The following NFIB variants were observed in gnomAD, a reference collection of about 807,000 sequenced individuals.
NFIB encodes nuclear factor 1 B-type.
Under a neutral mutation model 61.5 loss-of-function variants are expected in NFIB, and 11 were observed. That is an observed-to-expected ratio of 0.18 (90% CI 0.11 to 0.30). The LOEUF (loss-of-function observed/expected upper bound fraction) is 0.30, where lower values mean the gene tolerates loss of function less well. Among genes scored for constraint, NFIB ranks in the 10% least tolerant of loss-of-function variants. NFIB has a pLI of 1.00. For synonymous variants in NFIB, 260 were observed against 216.5 expected (o/e 1.20, Z -1.76); for missense variants, 471 against 608.9 (o/e 0.77, Z 2.38).
intron 6 of NFIB, among the ~76,000 whole-genome samples, chr9:14,146,135 T>A (rs2042255653): frequency 6.6e-6 from 1 of 152,142 alleles, no homozygotes. Context: ...TAAAGTTATA[T>A]TTCTCCTCAA....
chr9:14,300,280 C>T (rs2132641772), intron 2 of NFIB: 2 of 398,358 alleles, frequency 5.0e-6, no homozygotes, highest in Non-Finnish European at 4.4e-6. Context: ...CTCAAGTTTC[C>T]GATCGCATAA....
chr9:14,267,548 C>T (rs1273360050), intron 2 of NFIB, among the ~76,000 whole-genome samples: 1 of 152,162 alleles, frequency 6.6e-6, no homozygotes. Context: ...TCCCAAAAGA[C>T]CTTAGCCAAC....
intron 1 of NFIB, among the ~76,000 whole-genome samples, chr9:14,382,041 A>G (rs1193282376): frequency 6.6e-6 from 1 of 152,182 alleles, no homozygotes; most frequent in Non-Finnish European, 1.5e-5. Context: ...GAGGGAAGTT[A>G]AAATAGGCCC....
chr9:14,303,190 A>C (rs1379886388), intron 2 of NFIB, among the ~76,000 whole-genome samples: 1 of 152,212 alleles, frequency 6.6e-6, no homozygotes, highest in Non-Finnish European at 1.5e-5. Flanking sequence ...CAAGAGTGGC[A>C]AGTGAGGGAA....
intron 3 of NFIB, among the ~76,000 whole-genome samples, chr9:14,160,603 AG>A (rs1248709366): frequency 6.6e-6 from 1 of 152,154 alleles, no homozygotes; most frequent in Non-Finnish European, 1.5e-5. Context: ...AGGCCTAAAA[AG>A]GCATGTGAAA....
intron 2 of NFIB, among the ~76,000 whole-genome samples, chr9:14,194,353 A>G (rs770569311): frequency 6.6e-6 from 1 of 152,218 alleles, no homozygotes; most frequent in African/African-American, 2.4e-5. Flanking sequence ...GACAGCAGAC[A>G]TATTGCACAG....
chr9:14,126,806 G>C (rs2039713257), intron 6 of NFIB, among the ~76,000 whole-genome samples: 1 of 152,162 alleles, frequency 6.6e-6, no homozygotes, highest in Admixed American at 6.5e-5. Flanking sequence ...CCAAAACAGA[G>C]ACAGAAATCA....
intron 2 of NFIB, among the ~76,000 whole-genome samples, chr9:14,223,730 C>G (rs948680050): frequency 1.3e-5 from 2 of 152,152 alleles, no homozygotes. Flanking sequence ...AATGCAAACG[C>G]AGAAAAATCT....
chr9:14,375,861 C>T (rs569807218), intron 1 of NFIB, among the ~76,000 whole-genome samples: 1 of 152,264 alleles, frequency 6.6e-6, no homozygotes, highest in African/African-American at 2.4e-5. Context: ...AAGTCCTTGT[C>T]ATACTCACAT....
At chr9:14,371,112 A>T (rs201069181) in intron 1 of NFIB, among the ~76,000 whole-genome samples, 1 of 143,086 alleles carries the variant, frequency 7.0e-6, no homozygotes, top group Non-Finnish European at 1.6e-5. Context: ...CCAAACCAAA[A>T]CAAAACAAAC....
chr9:14,486,198 G>A, the NFIB span, among the ~76,000 whole-genome samples: 1 of 152,184 alleles, frequency 6.6e-6, no homozygotes, highest in Non-Finnish European at 1.5e-5. Context: ...AATATTGAAA[G>A]AAGGCTTGGA....
At chr9:14,108,233 G>C (rs1563791801) in intron 10 of NFIB, among the ~76,000 whole-genome samples, 1 of 152,086 alleles carries the variant, frequency 6.6e-6, no homozygotes, top group Non-Finnish European at 1.5e-5. Context: ...AACAGCCCAA[G>C]TGTTGATAGC....
At chr9:14,152,027 G>A (rs1280020254) in intron 4 of NFIB, among the ~76,000 whole-genome samples, 1 of 152,150 alleles carries the variant, frequency 6.6e-6, no homozygotes, top group East Asian at 1.9e-4. Flanking sequence ...ATATTAGGCA[G>A]GCTAAGATTA....
chr9:14,398,464 C>T, intron 1 of NFIB: 1 of 1,241,322 alleles, frequency 8.1e-7, no homozygotes, highest in Middle Eastern at 1.9e-4. Flanking sequence ...GACACATTGT[C>T]TAAGAAGTTG....
At chr9:14,265,599 G>T (rs1276511942) in intron 2 of NFIB, among the ~76,000 whole-genome samples, 1 of 152,172 alleles carries the variant, frequency 6.6e-6, no homozygotes, top group African/African-American at 2.4e-5. Context: ...AAGCAACACA[G>T]TCTATAGTAT....
intron 3 of NFIB, among the ~76,000 whole-genome samples, chr9:14,168,511 G>C (rs1215726333): frequency 1.3e-5 from 2 of 152,208 alleles, no homozygotes; most frequent in Non-Finnish European, 2.9e-5. Flanking sequence ...TAAAGGCATA[G>C]TCCATGTGTG....
intron 9 of NFIB, among the ~76,000 whole-genome samples, chr9:14,113,810 G>A (rs1252144850): frequency 6.6e-6 from 1 of 152,106 alleles, no homozygotes; most frequent in Non-Finnish European, 1.5e-5. Flanking sequence ...TATATATGGT[G>A]ACTATTCCTT....
chr9:14,516,169 A>G, the NFIB span, among the ~76,000 whole-genome samples: 1 of 152,354 alleles, frequency 6.6e-6, no homozygotes, highest in South Asian at 2.1e-4. Context: ...CACGGCCTGT[A>G]ACCAATTCCA....
intron 2 of NFIB, among the ~76,000 whole-genome samples, chr9:14,280,002 T>G (rs1355792121): frequency 1.3e-5 from 2 of 152,162 alleles, no homozygotes; most frequent in African/African-American, 4.8e-5. Context: ...CCAATCGTAT[T>G]AACTTGATCC....
Sources: gnomAD v4.1 joint callset for allele counts (sites outside exome capture counted in the v4.1 genomes callset) on GRCh38, gnomAD v4.1.1 for gene constraint, MANE v1.5 for transcripts, NCBI Gene and HGNC (gene_info 2026-07-23, HGNC 2026-07-21) for gene names.